The following GPHN variants were observed in gnomAD, a reference collection of about 807,000 sequenced individuals.
GPHN encodes gephyrin.
A neutral mutation model predicts 95.5 loss-of-function variants in GPHN; 17 were observed. The observed-to-expected ratio is 0.18, with a 90% confidence interval of 0.12 to 0.27. The LOEUF (loss-of-function observed/expected upper bound fraction) is 0.27, where lower values mean the gene tolerates loss of function less well. Among genes scored for constraint, GPHN ranks in the 10% least tolerant of loss-of-function variants. GPHN has a pLI of 1.00. For missense variants in GPHN, 660 were observed against 978.1 expected (o/e 0.67, Z 4.34); for synonymous variants, 320 against 322.5 (o/e 0.99, Z 0.08).
chr14:67,291,054 T>A, the GPHN span, among the ~76,000 whole-genome samples: 5 of 152,002 alleles, frequency 3.3e-5, no homozygotes, highest in Non-Finnish European at 5.9e-5. Flanking sequence ...GTGAAAGAAA[T>A]CACACAGGAA....
rs542884596 is a variant in GPHN at position 66,566,141 on chromosome 14, C to T, written c.64+57550C>T. ...TTTCAAAAAGTCTACTTCCATCTCC[C>T]TACTATTACCTTTTATATTACTAGG... is the stretch of plus-strand genomic sequence containing the variant. On this transcript the variant is annotated intron_variant, in intron 1 of 22. Transcript: ENST00000478722. Among the ~76,000 whole-genome samples the T allele has an allele frequency of 8.4e-4, 127 of 152,054 alleles. 3 individuals are homozygous for T. In the South Asian group the frequency reaches 0.026, roughly 31 times the overall value.
chr14:67,254,034 C>CG, the GPHN span, among the ~76,000 whole-genome samples: 1 of 143,476 alleles, frequency 7.0e-6, no homozygotes, highest in South Asian at 2.4e-4. Flanking sequence ...ATCCCCCCCC[C>CG]CTTACAAGTT....
At chr14:67,362,138 A>G in the GPHN span, among the ~76,000 whole-genome samples, 1 of 151,054 alleles carries the variant, frequency 6.6e-6, no homozygotes, top group Non-Finnish European at 1.5e-5. Context: ...CTCCTGCCTC[A>G]GCCACTATAG....
intron 10 of GPHN, among the ~76,000 whole-genome samples, chr14:67,045,172 T>G (rs2074941704): frequency 6.6e-6 from 1 of 152,222 alleles, no homozygotes; most frequent in Admixed American, 6.5e-5. Flanking sequence ...CCAATCTGTA[T>G]TTCCCCGTGT....
chr14:67,535,499 G>T, the GPHN span, among the ~76,000 whole-genome samples: 1 of 146,738 alleles, frequency 6.8e-6, no homozygotes, highest in Non-Finnish European at 1.5e-5. Context: ...ACCTGCCTTA[G>T]CCTCCCAAGT....
the GPHN span, among the ~76,000 whole-genome samples, chr14:67,306,176 G>A: frequency 3.3e-5 from 5 of 152,018 alleles, no homozygotes; most frequent in Non-Finnish European, 1.5e-5. Context: ...CACTATGTTG[G>A]CCATGCTGGT....
intron 8 of GPHN, among the ~76,000 whole-genome samples, chr14:66,940,009 G>A (rs1274944184): frequency 6.6e-6 from 1 of 152,094 alleles, no homozygotes; most frequent in Non-Finnish European, 1.5e-5. Flanking sequence ...GTCTGTACAG[G>A]GAGAAGGGGG....
chr14:66,782,585 C>T (rs1394623360), intron 3 of GPHN, among the ~76,000 whole-genome samples: 1 of 152,050 alleles, frequency 6.6e-6, no homozygotes, highest in Non-Finnish European at 1.5e-5. Flanking sequence ...TTTGGGAGGC[C>T]AAGGCGGGCG....
intron 1 of GPHN, chr14:66,551,136 C>G (rs999887237): frequency 1.3e-5 from 2 of 152,898 alleles, no homozygotes; most frequent in Non-Finnish European, 2.9e-5. Context: ...GGATTACAGG[C>G]GTGAGCCACC....
At chr14:66,992,286 T>G (rs559704771) in intron 9 of GPHN, among the ~76,000 whole-genome samples, 1 of 152,018 alleles carries the variant, frequency 6.6e-6, no homozygotes, top group African/African-American at 2.4e-5. Context: ...GAAACTAAGA[T>G]GGAAAGTGAT....
rs112365914 is a variant in GPHN at position 66,637,219 on chromosome 14, C to A, written c.65-43888C>A. ...TTTGACTTATAGTTAATAGGTTATA[C>A]ATGGCCATACTTAAATCTCTAATGA... On this transcript the variant is annotated intron_variant, in intron 1 of 22. Coordinates refer to ENST00000478722, the MANE Select transcript of GPHN (RefSeq NM_020806.5). Among the ~76,000 whole-genome samples the A allele has an allele frequency of 3.7e-3, 556 of 152,232 alleles. 12 individuals are homozygous for A. Among genetic ancestry groups the A allele is most frequent in the African/African-American group, 0.013 (530 of 41,570 alleles).
chr14:66,546,985 ATTAC>A (rs2059629194), intron 1 of GPHN, among the ~76,000 whole-genome samples: 1 of 151,970 alleles, frequency 6.6e-6, no homozygotes, highest in East Asian at 1.9e-4. Flanking sequence ...CTATTTCTTA[ATTAC>A]TTGGGATATC....
the GPHN span, chr14:67,302,368 G>C: frequency 7.8e-7 from 1 of 1,282,116 alleles, no homozygotes; most frequent in Non-Finnish European, 1.0e-6. Context: ...AACAAAAATT[G>C]TATTATTTTT....
At chr14:67,325,126 T>C in the GPHN span, among the ~76,000 whole-genome samples, 10 of 152,016 alleles carry the variant, frequency 6.6e-5, no homozygotes, top group South Asian at 4.2e-4. Context: ...AGGATGGTCT[T>C]GATCTCCTGA....
the GPHN span, chr14:67,316,906 T>G: frequency 6.2e-7 from 1 of 1,607,482 alleles, no homozygotes; most frequent in South Asian, 1.1e-5. Flanking sequence ...AAAATCAGGT[T>G]AGACACTTGT....
the GPHN span, among the ~76,000 whole-genome samples, chr14:67,424,096 C>G: frequency 6.6e-6 from 1 of 151,800 alleles, no homozygotes; most frequent in Non-Finnish European, 1.5e-5. Context: ...AAAAATTAGC[C>G]AAGCCTGGTG....
At chr14:67,396,645 A>G in the GPHN span, among the ~76,000 whole-genome samples, 612 of 152,250 alleles carry the variant, frequency 4.0e-3, no homozygotes, top group East Asian at 0.056. Flanking sequence ...AAGACATTCT[A>G]CCTGTCCAGA....
chr14:66,834,932 A>C (rs1345368011), intron 4 of GPHN, among the ~76,000 whole-genome samples: 2,255 of 139,080 alleles, frequency 0.016, 26 homozygotes, highest in African/African-American at 0.034. Flanking sequence ...ACAATTTCAG[A>C]TCCTGTTATT....
chr14:67,377,043 A>G, the GPHN span, among the ~76,000 whole-genome samples: 1 of 152,076 alleles, frequency 6.6e-6, no homozygotes, highest in Non-Finnish European at 1.5e-5. Context: ...CTATTCATCT[A>G]GCTCCCAGTT....
Sources: allele counts gnomAD v4.1 joint callset (sites outside exome capture counted in the v4.1 genomes callset), GRCh38; gene constraint gnomAD v4.1.1; transcripts MANE v1.5; gene names NCBI Gene and HGNC (gene_info 2026-07-23, HGNC 2026-07-21).